Variants in FAM193B observed in about 807,000 individuals in gnomAD.
FAM193B encodes the protein protein FAM193B.
In FAM193B, 27 loss-of-function variants were observed where a neutral mutation model predicts 70.7. The observed-to-expected ratio is 0.38, with a 90% confidence interval of 0.28 to 0.53. The LOEUF (loss-of-function observed/expected upper bound fraction) is 0.53. Among genes scored for constraint, FAM193B ranks in the 20% least tolerant of loss-of-function variants. The pLI, the probability that FAM193B is intolerant of heterozygous loss-of-function variation, is 0.81. For synonymous variants in FAM193B, 448 were observed against 436.0 expected (o/e 1.03, Z -0.34); for missense variants, 1,022 against 1,072.5 (o/e 0.95, Z 0.66).
chr5:177,534,142 GCAGTCCAA>G (rs1472334316), intron 4 of FAM193B, among the ~76,000 whole-genome samples: 1 of 152,196 alleles, frequency 6.6e-6, no homozygotes, highest in Non-Finnish European at 1.5e-5. Context: ...AGCTTCCAGG[GCAGTCCAA>G]AGCAGCCCTC....
At chr5:177,531,465 C>T (rs372409661) in intron 5 of FAM193B, 5 of 1,359,422 alleles carry the variant, frequency 3.7e-6, no homozygotes, top group Non-Finnish European at 2.9e-6. Context: ...TGGTCAGCCT[C>T]GAGCGGAGCT....
chr5:177,536,513 A>G lies in FAM193B; in HGVS notation c.921T>C (p.Cys307=). The part of the protein sequence containing the change: ...AATAPHTPGP[C]QSSHLPSTSM... ...TGGTGGAGGGTAGATGGGAGCTCTG[A>G]CATGGCCCTGGAGTGTGGGGGGCAG... The change falls in exon 4 of 9, where the codon TGT becomes TGC. Residue 307 remains cysteine (C), a synonymous_variant. Coordinates refer to ENST00000514747, the MANE Select transcript of FAM193B (RefSeq NM_001190946.3). The G allele has an allele frequency of 6.4e-7, 1 of 1,560,770 alleles. No individual in the cohort carries two copies. The highest frequency in any genetic ancestry group is 8.6e-7 in the Non-Finnish European group (1 of 1,159,008).
chr5:177,552,030 C>T, intron 1 of FAM193B: 10 of 985,360 alleles, frequency 1.0e-5, no homozygotes, highest in Non-Finnish European at 1.2e-5. Context: ...TGTTGAAAAT[C>T]CCCCAAAGTA....
At chr5:177,535,691 T>C (rs1315538702) in intron 4 of FAM193B, among the ~76,000 whole-genome samples, 1 of 152,174 alleles carries the variant, frequency 6.6e-6, no homozygotes, top group Non-Finnish European at 1.5e-5. Context: ...TATTGAAAAG[T>C]TTCTTGAAGA....
At chr5:177,531,763 T>TG in intron 5 of FAM193B, 1 of 733,590 alleles carries the variant, frequency 1.4e-6, no homozygotes, top group Non-Finnish European at 1.9e-6. Flanking sequence ...AAAAACAAGT[T>TG]GGAGCCCGGG....
chr5:177,526,026 G>A (rs957497462), intron 5 of FAM193B, among the ~76,000 whole-genome samples: 13 of 152,192 alleles, frequency 8.5e-5, no homozygotes, highest in African/African-American at 2.7e-4. Flanking sequence ...TGCGCCTGGC[G>A]CCATTGACTC....
At chr5:177,539,217 T>C in intron 1 of FAM193B, 70 bp from the exon 2 acceptor site, 1 of 1,455,130 alleles carries the variant, frequency 6.9e-7, no homozygotes, top group Non-Finnish European at 9.1e-7. Flanking sequence ...AGTAACAATA[T>C]TAGTAATGCC....
Position 177,532,473 on chromosome 5 carries a change from G to A in FAM193B, c.1245C>T (p.Cys415=). The A allele has an allele frequency of 6.2e-7, 1 of 1,611,986 alleles. No homozygotes were observed. The highest frequency in any genetic ancestry group is 8.5e-7 in the Non-Finnish European group (1 of 1,179,206). ...THQRDGKFCD[C]CYCEFFGHNA... The stretch of plus-strand genomic sequence containing the variant: ...TGTGGCCGAAGAACTCACAGTAGCA[G>A]CAGTCACAGAACTTCCCATCTCTCT... Residue 415 remains cysteine (C), a synonymous_variant, in exon 5 of 9, where the codon TGC becomes TGT. Coordinates refer to ENST00000514747, the MANE Select transcript of FAM193B (RefSeq NM_001190946.3). The surrounding 1 kb of genome is among the most constrained non-coding windows in gnomAD (Gnocchi z 4.9).
At chr5:177,553,771 C>T (rs1222328621) in intron 1 of FAM193B, 1 of 1,287,610 alleles carries the variant, frequency 7.8e-7, no homozygotes, top group South Asian at 1.2e-5. Context: ...CGCCAGGAGA[C>T]ACAGCTGCTG....
chr5:177,533,044 T>C lies in FAM193B; in HGVS notation c.1077-403A>G, dbSNP rs908320813. ...GCTTCAGTTTTTGGGTCCCAGTGTGTAGCATAACAACCCTGCACACAGCAG... is the reference window on the plus strand; with the variant it reads ...GCTTCAGTTTTTGGGTCCCAGTGTGCAGCATAACAACCCTGCACACAGCAG... On this transcript the variant is annotated intron_variant, in intron 4 of 8. Coordinates refer to ENST00000514747, the MANE Select transcript of FAM193B (RefSeq NM_001190946.3). Among the ~76,000 whole-genome samples, 15 of 152,316 alleles carry C rather than the reference T, an allele frequency of 9.8e-5. No individual in the cohort carries two copies. In the East Asian group the frequency reaches 2.9e-3, roughly 29 times the overall value.
At chr5:177,534,214 C>T (rs369336181) in intron 4 of FAM193B, among the ~76,000 whole-genome samples, 6 of 152,044 alleles carry the variant, frequency 3.9e-5, no homozygotes, top group African/African-American at 1.4e-4. Flanking sequence ...AAGATGGTGG[C>T]AGGAATCATT....
At chr5:177,548,571 C>T (rs1349299989) in intron 1 of FAM193B, among the ~76,000 whole-genome samples, 1 of 152,196 alleles carries the variant, frequency 6.6e-6, no homozygotes, top group Non-Finnish European at 1.5e-5. Context: ...TTCAGCAGCT[C>T]CCAGACCCAG....
At chr5:177,551,129 C>A (rs1405516562) in intron 1 of FAM193B, among the ~76,000 whole-genome samples, 2 of 152,270 alleles carry the variant, frequency 1.3e-5, no homozygotes, top group African/African-American at 4.8e-5. Context: ...GCCACCAAGG[C>A]CTCTTGTGAA....
intron 1 of FAM193B, among the ~76,000 whole-genome samples, chr5:177,552,588 T>G (rs1766416871): frequency 6.6e-6 from 1 of 152,214 alleles, no homozygotes; most frequent in African/African-American, 2.4e-5. Flanking sequence ...GCTTTCCAGC[T>G]CTCCCTTCTC....
Position 177,529,034 on chromosome 5 carries a change from C to G in FAM193B, c.1275+3409G>C, listed in dbSNP as rs116660626. Among the ~76,000 whole-genome samples the G allele has an allele frequency of 9.5e-3, 1,453 of 152,174 alleles. 21 individuals are homozygous for G. The highest frequency in any genetic ancestry group is 0.033 in the African/African-American group (1,357 of 41,522). ...TGCCTGCCCTCCTACCAATACTTAG[C>G]AATGCTTACTCCATTCAAGTGAGTG... On this transcript the variant is annotated intron_variant, in intron 5 of 8. Coordinates refer to ENST00000514747, the MANE Select transcript of FAM193B (RefSeq NM_001190946.3).
At chr5:177,529,835 C>T (rs975406209) in intron 5 of FAM193B, among the ~76,000 whole-genome samples, 4 of 152,170 alleles carry the variant, frequency 2.6e-5, no homozygotes, top group Non-Finnish European at 5.9e-5. Context: ...CTACTGCAGC[C>T]CACTGAACCT....
chr5:177,532,433 G>C lies in FAM193B; in HGVS notation c.1275+10C>G, dbSNP rs1316812796. 2 of 1,606,464 alleles carry C rather than the reference G, an allele frequency of 1.2e-6. No homozygotes were observed. The highest frequency in any genetic ancestry group is 1.7e-6 in the Non-Finnish European group (2 of 1,177,210). ...CCCCAGCCCTCTCTAGCCTGGGCAG[G>C]CTCACTCACCGCATTGTGGCCGAAG... On this transcript the variant is annotated intron_variant, in intron 5 of 8. Transcript: ENST00000514747. This position sits in a 1 kb window ranked among gnomAD's most constrained non-coding sequence, Gnocchi z 4.9.
intron 1 of FAM193B, among the ~76,000 whole-genome samples, chr5:177,547,968 A>ACT (rs1195990105): frequency 1.3e-5 from 2 of 152,248 alleles, no homozygotes; most frequent in Non-Finnish European, 2.9e-5. Flanking sequence ...AACCGAAGGC[A>ACT]CACACACAGG....
intron 1 of FAM193B, chr5:177,553,203 A>G: frequency 2.0e-6 from 2 of 985,894 alleles, no homozygotes; most frequent in Non-Finnish European, 2.4e-6. Flanking sequence ...GAAGGCTGTC[A>G]AGAGCCATGC....
Sources: allele counts gnomAD v4.1 joint callset (sites outside exome capture counted in the v4.1 genomes callset), GRCh38; gene constraint gnomAD v4.1.1; non-coding constraint Gnocchi (gnomAD v3.1); transcripts MANE v1.5; gene names NCBI Gene and HGNC (gene_info 2026-07-23, HGNC 2026-07-21).